Variants in GRIK2 observed in about 807,000 individuals in gnomAD.
GRIK2 encodes glutamate receptor ionotropic, kainate 2.
Under a neutral mutation model 100.3 loss-of-function variants are expected in GRIK2, and 32 were observed. The observed-to-expected ratio is 0.32, with a 90% CI of 0.24 to 0.43. The LOEUF is 0.43. Among genes scored for constraint, GRIK2 ranks in the 20% least tolerant of loss-of-function variants. The pLI, the probability that GRIK2 is intolerant of heterozygous loss-of-function variation, is 1.00. For missense variants in GRIK2, 843 were observed against 1,114.9 expected (o/e 0.76, Z 3.47); for synonymous variants, 417 against 389.4 (o/e 1.07, Z -0.83).
chr6:101,414,302 C>A (rs773297020), intron 2 of GRIK2, among the ~76,000 whole-genome samples: 1 of 152,126 alleles, frequency 6.6e-6, no homozygotes, highest in Non-Finnish European at 1.5e-5. Context: ...TTCTCCACTG[C>A]CCCCAGCACC....
intron 7 of GRIK2, among the ~76,000 whole-genome samples, chr6:101,798,072 A>T (rs751453956): frequency 5.2e-4 from 78 of 150,768 alleles, no homozygotes; most frequent in Middle Eastern, 3.4e-3. Context: ...AAACAAAACA[A>T]TGGATATGTA....
intron 11 of GRIK2, among the ~76,000 whole-genome samples, chr6:101,875,004 T>C (rs1029006923): frequency 2.0e-5 from 3 of 152,052 alleles, no homozygotes; most frequent in African/African-American, 4.8e-5. Flanking sequence ...TGGGCTGAGA[T>C]GATGGGGTTT....
At chr6:101,965,075 G>C (rs958860203) in intron 14 of GRIK2, among the ~76,000 whole-genome samples, 7 of 152,146 alleles carry the variant, frequency 4.6e-5, no homozygotes, top group Non-Finnish European at 7.4e-5. Flanking sequence ...TTTGGGTGTG[G>C]TGTAGAACTG....
At chr6:101,866,625 T>C (rs1230435437) in intron 11 of GRIK2, among the ~76,000 whole-genome samples, 1 of 152,262 alleles carries the variant, frequency 6.6e-6, no homozygotes, top group East Asian at 1.9e-4. Flanking sequence ...TCATTAGTAC[T>C]TGAGATTAGA....
At chr6:101,402,179 C>T (rs1457531837) in intron 2 of GRIK2, among the ~76,000 whole-genome samples, 1 of 152,136 alleles carries the variant, frequency 6.6e-6, no homozygotes, top group African/African-American at 2.4e-5. Context: ...CCGTCTTCAG[C>T]GTGCGCAACC....
intron 2 of GRIK2, among the ~76,000 whole-genome samples, chr6:101,422,389 A>T (rs1281665479): frequency 6.6e-6 from 1 of 152,170 alleles, no homozygotes; most frequent in Non-Finnish European, 1.5e-5. Flanking sequence ...AAATTCCCAG[A>T]GTAGGCTCAA....
chr6:101,829,540 G>T (rs1256781803), intron 10 of GRIK2, among the ~76,000 whole-genome samples: 1 of 151,822 alleles, frequency 6.6e-6, no homozygotes, highest in Admixed American at 6.6e-5. Context: ...AATGACTTCA[G>T]CAAAGTCTCA....
intron 4 of GRIK2, among the ~76,000 whole-genome samples, chr6:101,634,235 A>T (rs1251806048): frequency 6.6e-6 from 1 of 152,106 alleles, no homozygotes; most frequent in Non-Finnish European, 1.5e-5. Context: ...AAGAGGACTT[A>T]GGAGATACAG....
rs539784619 is a variant in GRIK2, at chr6:101,540,556, G to A, written c.116-81393G>A. Among the ~76,000 whole-genome samples, 3 of 151,938 alleles carry A rather than the reference G, an allele frequency of 2.0e-5. No individual in the cohort carries two copies. The East Asian group carries it at 5.8e-4, about 29-fold the overall frequency. On this transcript the variant is annotated intron_variant, in intron 2 of 16. Transcript: ENST00000369134. Reference sequence around the variant, plus strand: ...CACAAAAATGAAAAATTAAAAAAAGGAAAGTTAGATAAAAATGTATGAGGA... The same window carrying A: ...CACAAAAATGAAAAATTAAAAAAAGAAAAGTTAGATAAAAATGTATGAGGA...
intron 15 of GRIK2, among the ~76,000 whole-genome samples, chr6:102,039,320 T>G (rs1440449777): frequency 6.6e-6 from 1 of 151,584 alleles, no homozygotes; most frequent in East Asian, 1.9e-4. Flanking sequence ...GGAGTGACAT[T>G]AAATTCCTTC....
chr6:101,686,378 G>A, intron 7 of GRIK2, 25 bp downstream of exon 7: 1 of 1,572,992 alleles, frequency 6.4e-7, no homozygotes, highest in South Asian at 1.1e-5. Context: ...TTAAAGATCA[G>A]TTTGTGTGTT....
chr6:101,820,847 G>T (rs1259200571), intron 10 of GRIK2, among the ~76,000 whole-genome samples: 1 of 152,112 alleles, frequency 6.6e-6, no homozygotes, highest in Non-Finnish European at 1.5e-5. Flanking sequence ...CCATTAAGTT[G>T]CCTGTGTCTT....
rs538059050 is a variant in GRIK2, at chr6:101,552,461, T to A, written c.116-69488T>A. Among the ~76,000 whole-genome samples the A allele has an allele frequency of 5.3e-5, 8 of 152,212 alleles. No individual in the cohort carries two copies. The East Asian group carries it at 1.4e-3, about 26-fold the overall frequency. On this transcript the variant is annotated intron_variant, in intron 2 of 16. Transcript: ENST00000369134. ...TTTGGCTGGGTTTCTTTAGGGTAAA[T>A]CCCAGGGAGCCCCTCCTAACCCTGC...
intron 4 of GRIK2, among the ~76,000 whole-genome samples, chr6:101,645,934 A>G (rs1342983537): frequency 3.9e-5 from 6 of 151,964 alleles, no homozygotes; most frequent in Admixed American, 3.9e-4. Context: ...TATTATGCAT[A>G]TATGATATTT....
intron 12 of GRIK2, among the ~76,000 whole-genome samples, chr6:101,909,291 A>G (rs1395092344): frequency 6.6e-6 from 1 of 150,566 alleles, no homozygotes; most frequent in Non-Finnish European, 1.5e-5. Flanking sequence ...TATAAATAGG[A>G]ACAGGAAGGA....
chr6:101,475,304 C>T (rs1465524081), intron 2 of GRIK2, among the ~76,000 whole-genome samples: 1 of 151,846 alleles, frequency 6.6e-6, no homozygotes, highest in Non-Finnish European at 1.5e-5. Flanking sequence ...TGAGCAAGCA[C>T]ATCACTGAAT....
chr6:102,068,413 C>T lies in GRIK2; in HGVS notation c.2629C>T (p.His877Tyr), dbSNP rs368299065. ...CCTGAAGTGCCAGCGTCGGTTAAAA[C>T]ATAAGCCACAGGCCCCAGTTATTGT... is the stretch of plus-strand genomic sequence containing the variant. ...MSLKCQRRLKHKPQAPVIVKT... is the reference protein window; with the variant it reads ...MSLKCQRRLKYKPQAPVIVKT... Residue 877 changes from histidine (H) to tyrosine (Y), a missense_variant, in exon 17 of 17, where the codon CAT becomes TAT. By Grantham distance (83) the His-to-Tyr change is moderately conservative. Coordinates refer to ENST00000369134, the MANE Select transcript of GRIK2 (RefSeq NM_021956.5). 3 of 1,611,600 alleles carry T rather than the reference C, an allele frequency of 1.9e-6. No individual in the cohort carries two copies. Among genetic ancestry groups the T allele is most frequent in the Non-Finnish European group, 2.5e-6 (3 of 1,178,138 alleles).
At chr6:101,950,003 A>T (rs570901167) in intron 14 of GRIK2, among the ~76,000 whole-genome samples, 2 of 152,282 alleles carry the variant, frequency 1.3e-5, no homozygotes, top group South Asian at 4.1e-4. Flanking sequence ...ACAGAACAGA[A>T]ATGAGAAAAT....
chr6:101,732,875 C>T (rs1775371693), intron 7 of GRIK2, among the ~76,000 whole-genome samples: 1 of 152,018 alleles, frequency 6.6e-6, no homozygotes, highest in Non-Finnish European at 1.5e-5. Flanking sequence ...ACAGCTGCCT[C>T]TTGCTGGGTT....
Sources: allele counts gnomAD v4.1 joint callset (sites outside exome capture counted in the v4.1 genomes callset), GRCh38; gene constraint gnomAD v4.1.1; transcripts MANE v1.5; gene names NCBI Gene and HGNC (gene_info 2026-07-23, HGNC 2026-07-21).